ZNF84: variants seen among roughly 807,000 people sequenced by gnomAD.
ZNF84 encodes zinc finger protein HPF2.
Under a neutral mutation model 14.8 loss-of-function variants are expected in ZNF84, and 12 were observed. That is an observed-to-expected ratio of 0.81 (90% CI 0.52 to 1.31). The LOEUF (loss-of-function observed/expected upper bound fraction) is 1.31, where lower values mean the gene tolerates loss of function less well. Among genes scored for constraint, ZNF84 ranks in the 50% most tolerant of loss-of-function variants. The probability of loss-of-function intolerance (pLI) is 0.00; values close to 1 mark genes in which losing one functional copy is unlikely to be tolerated. For missense variants in ZNF84, 859 were observed against 878.6 expected, an observed-to-expected ratio of 0.98 and a Z score of 0.28; for synonymous variants, 347 against 291.1, an observed-to-expected ratio of 1.19 and a Z score of -1.96.
intron 4 of ZNF84, among the ~76,000 whole-genome samples, chr12:133,056,533 G>A (rs1340357301): frequency 1.3e-5 from 2 of 152,134 alleles, no homozygotes; most frequent in African/African-American, 4.8e-5. Context: ...GATTACAGGT[G>A]TGAGCCACCG....
At chr12:133,039,786 A>G (rs1953854345) in intron 1 of ZNF84, among the ~76,000 whole-genome samples, 1 of 152,186 alleles carries the variant, frequency 6.6e-6, no homozygotes, top group Admixed American at 6.5e-5. Context: ...AGGGGGGAAA[A>G]ACAGTAACCA....
intron 4 of ZNF84, among the ~76,000 whole-genome samples, chr12:133,055,754 AAGAAAAC>A (rs1376613483): frequency 6.6e-6 from 1 of 152,216 alleles, no homozygotes; most frequent in Non-Finnish European, 1.5e-5. Context: ...ATAGAACACC[AAGAAAAC>A]TATTAGAAGA....
At chr12:133,050,582 T>C in intron 4 of ZNF84, 1 of 398,652 alleles carries the variant, frequency 2.5e-6, no homozygotes, top group African/African-American at 2.1e-5. Context: ...TATCTCCCAT[T>C]CATGGTCAGT....
chr12:133,056,924 CCAAA>C, intron 4 of ZNF84, 26 bp from the exon 5 acceptor site: 5 of 1,528,084 alleles, frequency 3.3e-6, no homozygotes, highest in Middle Eastern at 1.8e-4. Flanking sequence ...GAAAGCACAA[CCAAA>C]CAGATTGTTT....
At position 133,059,345 on chromosome 12, in the gene ZNF84, C is replaced by T. The variant is rs1436060680; in HGVS notation, c.*413C>T. 2.0e-5 allele frequency: 5 copies of T among 244,580 alleles called. No individual in the cohort carries two copies. In the East Asian group the frequency reaches 4.0e-4, roughly 19 times the overall value. The allele number at this position is 244,580 out of a possible 1,614,324, so 15.2% of individuals were successfully genotyped here. On this transcript the variant is annotated 3_prime_UTR_variant, in exon 5 of 5. Coordinates refer to ENST00000539354, the MANE Select transcript of ZNF84 (RefSeq NM_001289971.2). ...AGAAAATGCTCTTAGGAATGAAGTTCTATGAAAGTACTAAATATGGGACAG... is the reference window on the plus strand; with the variant it reads ...AGAAAATGCTCTTAGGAATGAAGTTTTATGAAAGTACTAAATATGGGACAG...
chr12:133,056,973 T>C lies in ZNF84; in HGVS notation c.258T>C (p.Gly86=). The change falls in exon 5 of 5, where the codon GGT becomes GGC. Residue 86 remains glycine (G), a synonymous_variant. Coordinates refer to ENST00000539354, the MANE Select transcript of ZNF84 (RefSeq NM_001289971.2). The part of the protein sequence containing the change: ...SDSPEVWKVD[G]NMMWHQDNQD... ...TTATAGAAGTCTGGAAAGTAGATGG[T>C]AACATGATGTGGCACCAGGATAACC... The C allele has an allele frequency of 6.3e-7, 1 of 1,583,244 alleles. No homozygotes were observed. The highest frequency in any genetic ancestry group is 8.5e-7 in the Non-Finnish European group (1 of 1,169,794).
Position 133,058,124 on chromosome 12 carries a change from G to A in ZNF84, c.1409G>A (p.Arg470Lys). The A allele has an allele frequency of 6.2e-7, 1 of 1,613,664 alleles. No homozygotes were observed. The highest frequency in any genetic ancestry group is 8.5e-7 in the Non-Finnish European group (1 of 1,179,938). Reference sequence around the variant, plus strand: ...AGTAAATGTGGGAAAGCCTTCAGCAGGAAATCACAGCTCGTTAGACATCAG... The same window carrying A: ...AGTAAATGTGGGAAAGCCTTCAGCAAGAAATCACAGCTCGTTAGACATCAG... ...ICSKCGKAFS[R>K]KSQLVRHQRT... The change falls in exon 5 of 5, where the codon AGG becomes AAG. Residue 470 changes from arginine to lysine, a missense_variant. Coordinates refer to ENST00000539354, the MANE Select transcript of ZNF84 (RefSeq NM_001289971.2).
chr12:133,051,980 T>A (rs1463065248), intron 4 of ZNF84, among the ~76,000 whole-genome samples: 1 of 152,114 alleles, frequency 6.6e-6, no homozygotes, highest in Non-Finnish European at 1.5e-5. Flanking sequence ...GCATTAGCGA[T>A]ATATATTTCC....
At position 133,058,438 on chromosome 12, in the gene ZNF84, G is replaced by A; in HGVS notation, c.1723G>A (p.Asp575Asn). ...TGGAGAAAAACCGTATGAATGCAGG[G>A]ACTGTGAAAAAGCTTTCTCCCAGAA... The part of the protein sequence containing the change: ...HTGEKPYECR[D>N]CEKAFSQKSQ... The change falls in exon 5 of 5, where the codon GAC (aspartate) becomes AAC (asparagine). Residue 575 changes from aspartate (D) to asparagine (N), a missense_variant. Coordinates refer to ENST00000539354, the MANE Select transcript of ZNF84 (RefSeq NM_001289971.2). 1 of 1,614,020 alleles carries A rather than the reference G, an allele frequency of 6.2e-7. No individual in the cohort carries two copies. The highest frequency in any genetic ancestry group is 8.5e-7 in the Non-Finnish European group (1 of 1,180,006).
chr12:133,047,936 CA>C lies in ZNF84; in HGVS notation c.16-18del. 2 of 1,612,272 alleles carry C rather than the reference CA, an allele frequency of 1.2e-6. No individual in the cohort carries two copies. The highest frequency in any genetic ancestry group is 1.7e-6 in the Non-Finnish European group (2 of 1,178,926). ...ACGGTGTTAACTGCTTCAGATTTAC[CA>C]GGATTGTGCTCTTACAGGAGTCATT... On this transcript the variant is annotated intron_variant, in intron 2 of 4. Coordinates refer to ENST00000539354, the MANE Select transcript of ZNF84 (RefSeq NM_001289971.2).
chr12:133,061,811 A>G lies in ZNF84; in HGVS notation c.*2879A>G, dbSNP rs959660868. ...GGATTGATGCTGACAGCAGAGGTCTAGTTAAAAACTGATGCAGAGGTTCAA... is the reference window on the plus strand; with the variant it reads ...GGATTGATGCTGACAGCAGAGGTCTGGTTAAAAACTGATGCAGAGGTTCAA... On this transcript the variant is annotated 3_prime_UTR_variant, in exon 5 of 5. Transcript: ENST00000539354. 20 of 152,336 alleles carry G rather than the reference A, an allele frequency of 1.3e-4. No homozygotes were observed. The highest frequency in any genetic ancestry group is 4.6e-4 in the Admixed American group (7 of 15,302). The allele number at this position is 152,336 out of a possible 1,614,324, so 9.4% of individuals were successfully genotyped here.
intron 1 of ZNF84, among the ~76,000 whole-genome samples, chr12:133,038,426 T>C (rs1185031034): frequency 6.7e-6 from 1 of 150,054 alleles, no homozygotes; most frequent in Admixed American, 6.6e-5. Context: ...CCCGGTGTGG[T>C]AGGGCATGCC....
At chr12:133,048,192 AT>A (rs1954016145) in intron 3 of ZNF84, 111 bp downstream of exon 3, 1 of 1,034,300 alleles carries the variant, frequency 9.7e-7, no homozygotes, top group Non-Finnish European at 1.4e-6. Flanking sequence ...ATTTTTAATG[AT>A]TTTAGACCTG....
At position 133,058,395 on chromosome 12, in the gene ZNF84, T is replaced by G. The variant is rs1954199405; in HGVS notation, c.1680T>G (p.Thr560=). 7 of 1,611,430 alleles carry G rather than the reference T, an allele frequency of 4.3e-6. No individual in the cohort carries two copies. Among genetic ancestry groups the G allele is most frequent in the Non-Finnish European group, 5.9e-6 (7 of 1,179,364 alleles). The change falls in exon 5 of 5, where the codon ACT becomes ACG. Residue 560 remains threonine (T), a synonymous_variant. Transcript: ENST00000539354. ...TTGGTGAGAAGTCAAGTCTTGCAAC[T>G]CATCAGAGAACTCATACTGGAGAAA... The part of the protein sequence containing the change: ...KAFGEKSSLA[T]HQRTHTGEKP...
Position 133,046,007 on chromosome 12 carries a change from CTT to C in ZNF84, c.16-1947_16-1946del, listed in dbSNP as rs1953972527. On this transcript the variant is annotated intron_variant, in intron 2 of 4. Coordinates refer to ENST00000539354, the MANE Select transcript of ZNF84 (RefSeq NM_001289971.2). ...TCTGTCTTCAAATTCTCTGACTTCT[CTT>C]AAAGTATATTGTGTGCTGTGAGGGT... Among the ~76,000 whole-genome samples, 4 of 151,782 alleles carry C rather than the reference CTT, an allele frequency of 2.6e-5. No homozygotes were observed. In the South Asian group the frequency reaches 6.2e-4, roughly 24 times the overall value.
intron 1 of ZNF84, 109 bp downstream of exon 1, chr12:133,037,654 C>G (rs1164656557): frequency 6.8e-6 from 1 of 146,618 alleles, no homozygotes; most frequent in Non-Finnish European, 1.5e-5. Context: ...CCTGGGCGTC[C>G]GCGCGCGGAT....
Position 133,057,041 on chromosome 12 carries a change from C to A in ZNF84, c.326C>A (p.Ala109Glu). 7 of 1,612,922 alleles carry A rather than the reference C, an allele frequency of 4.3e-6. No individual in the cohort carries two copies. Among genetic ancestry groups the A allele is most frequent in the Non-Finnish European group, 5.9e-6 (7 of 1,179,664 alleles). The stretch of plus-strand genomic sequence containing the variant: ...ATAAAAAGAGGTCATGAATGTGATG[C>A]ATTTGGAAAAAATTTCAATCTGAAC... ...KIIKRGHECD[A>E]FGKNFNLNMN... is the part of the protein sequence containing the mutation. The change falls in exon 5 of 5, where the codon GCA becomes GAA. Residue 109 changes from alanine (A) to glutamate (E), a missense_variant. By Grantham distance (107) the Ala-to-Glu change is moderately radical. Coordinates refer to ENST00000539354, the MANE Select transcript of ZNF84 (RefSeq NM_001289971.2).
rs1487522484 is a variant in ZNF84, at chr12:133,059,720, C to G, written c.*788C>G. On this transcript the variant is annotated 3_prime_UTR_variant, in exon 5 of 5. Coordinates refer to ENST00000539354, the MANE Select transcript of ZNF84 (RefSeq NM_001289971.2). ...GAAATGCATATGCCTTTTAGTGCCT[C>G]TGATGTCTGTGAAGACAACACTACA... 1 of 152,166 alleles carries G rather than the reference C, an allele frequency of 6.6e-6. No individual in the cohort carries two copies. Among genetic ancestry groups the G allele is most frequent in the African/African-American group, 2.4e-5 (1 of 41,416 alleles). 9.4% of individuals were successfully genotyped at this position (152,166 alleles called of 1,614,324 possible).
intron 2 of ZNF84, among the ~76,000 whole-genome samples, chr12:133,042,791 T>A (rs1022376300): frequency 2.6e-5 from 4 of 152,362 alleles, no homozygotes; most frequent in African/African-American, 9.6e-5. Context: ...AAGGCCTAAT[T>A]TACATGCAGA....
Sources: allele counts gnomAD v4.1 joint callset (sites outside exome capture counted in the v4.1 genomes callset), GRCh38; gene constraint gnomAD v4.1.1; transcripts MANE v1.5; gene names NCBI Gene and HGNC (gene_info 2026-07-23, HGNC 2026-07-21).